The following SGSM2 variants were observed in gnomAD, a reference collection of about 807,000 sequenced individuals.
SGSM2 encodes the protein small G protein signaling modulator 2.
A neutral mutation model predicts 126.6 loss-of-function variants in SGSM2; 89 were observed. The ratio of observed to expected loss-of-function variants is 0.70; its 90% CI spans 0.59 to 0.84. The LOEUF is 0.84. SGSM2 is among the 40% of genes least tolerant of loss of function. SGSM2 has a pLI of 0.00. For missense variants in SGSM2, 1,404 were observed against 1,416.6 expected (o/e 0.99, Z 0.14); for synonymous variants, 614 against 574.3 (o/e 1.07, Z -0.99).
At chr17:2,347,989 C>G (rs867183101) in intron 2 of SGSM2, among the ~76,000 whole-genome samples, 1 of 152,148 alleles carries the variant, frequency 6.6e-6, no homozygotes. Flanking sequence ...CCCTGCCCTG[C>G]TGTGTGCAAG....
chr17:2,375,669 G>T lies in SGSM2; in HGVS notation c.2278G>T (p.Val760Leu). The change falls in exon 18 of 24, where the codon GTG becomes TTG. Residue 760 changes from valine (V) to leucine (L), a missense_variant. By Grantham distance (32) the Val-to-Leu change is conservative. Coordinates refer to ENST00000268989, the MANE Select transcript of SGSM2 (RefSeq NM_014853.3). ...ACTGCCCTCCTCTCGCAATTACTCC[G>T]TGGCCTCGGGCATCCAGTCAAGCCT... ...SGLPSSRNYS[V>L]ASGIQSSLDE... The T allele has an allele frequency of 6.2e-7, 1 of 1,613,950 alleles. No individual in the cohort carries two copies. Among genetic ancestry groups the T allele is most frequent in the Non-Finnish European group, 8.5e-7 (1 of 1,179,974 alleles).
At position 2,367,880 on chromosome 17, in the gene SGSM2, G is replaced by A. The variant is rs953639468; in HGVS notation, c.1423+475G>A. On this transcript the variant is annotated intron_variant, in intron 12 of 23. Coordinates refer to ENST00000268989, the MANE Select transcript of SGSM2 (RefSeq NM_014853.3). This position sits in a 1 kb window ranked among gnomAD's most constrained non-coding sequence, Gnocchi z 4.0. Reference sequence around the variant, plus strand: ...GCAGCAGCTGTGGGTCAGGCGAGGGGTTGAGGGCTGCCATGCGAAGGGCCC... The same window carrying A: ...GCAGCAGCTGTGGGTCAGGCGAGGGATTGAGGGCTGCCATGCGAAGGGCCC... 2.6e-5 allele frequency among the ~76,000 whole-genome samples: 4 copies of A among 152,194 alleles called. No homozygotes were observed. Among genetic ancestry groups the A allele is most frequent in the African/African-American group, 4.8e-5 (2 of 41,442 alleles).
chr17:2,340,001 A>G (rs2064276281), intron 1 of SGSM2, among the ~76,000 whole-genome samples: 1 of 152,266 alleles, frequency 6.6e-6, no homozygotes. Context: ...GTCTAGTGAC[A>G]GAGACTTGAA....
Position 2,337,568 on chromosome 17 carries a change from C to A in SGSM2, c.-121C>A. 2.0e-6 allele frequency: 1 copy of A among 502,756 alleles called. No homozygotes were observed. The highest frequency in any genetic ancestry group is 2.7e-6 in the Non-Finnish European group (1 of 373,880). 31.1% of individuals were successfully genotyped at this position (502,756 alleles called of 1,614,324 possible). A position where few individuals can be genotyped will look rare whatever the true frequency, so the allele number is the denominator to read the frequency against. Reference sequence around the variant, plus strand: ...GTGGCTGCGGCGGCGGCGGCGGCGGCGGGCCGGGAGCGCGGCGGGCGGGGG... The same window carrying A: ...GTGGCTGCGGCGGCGGCGGCGGCGGAGGGCCGGGAGCGCGGCGGGCGGGGG... On this transcript the variant is annotated 5_prime_UTR_variant, in exon 1 of 24. Transcript: ENST00000268989. The surrounding 1 kb of genome is among the most constrained non-coding windows in gnomAD (Gnocchi z 5.1).
Position 2,379,919 on chromosome 17 carries a change from C to A in SGSM2, c.*399C>A. The A allele has an allele frequency of 1.5e-6, 2 of 1,300,556 alleles. No individual in the cohort carries two copies. Among genetic ancestry groups the A allele is most frequent in the Non-Finnish European group, 9.8e-7 (1 of 1,020,042 alleles). 80.6% of individuals were successfully genotyped at this position (1,300,556 alleles called of 1,614,324 possible). ...CCTACTCAGCTGGGGTGGCAGAGGG[C>A]GAGAGGCTCTGTGCTGTGTCCCTTC... On this transcript the variant is annotated 3_prime_UTR_variant, in exon 24 of 24. Transcript: ENST00000268989.
At chr17:2,364,484 TG>T in intron 8 of SGSM2, 111 bp from the exon 9 acceptor site, 1 of 1,191,582 alleles carries the variant, frequency 8.4e-7, no homozygotes, top group Non-Finnish European at 1.2e-6. Flanking sequence ...CTCTTGGCTA[TG>T]GTCATCCTAT....
chr17:2,373,707 A>C (rs750776440), intron 17 of SGSM2, 194 bp downstream of exon 17: 33 of 592,716 alleles, frequency 5.6e-5, no homozygotes, highest in Non-Finnish European at 8.7e-5. Flanking sequence ...TGGGTATTGT[A>C]GGAATAAAGT....
chr17:2,370,398 T>G lies in SGSM2; in HGVS notation c.1424-864T>G, dbSNP rs144458220. Among the ~76,000 whole-genome samples, 236 of 152,384 alleles carry G rather than the reference T, an allele frequency of 1.5e-3. 1 individual carries two copies. Among genetic ancestry groups the G allele is most frequent in the African/African-American group, 5.4e-3 (226 of 41,596 alleles). On this transcript the variant is annotated intron_variant, in intron 12 of 23. Transcript: ENST00000268989. ...TCTGATTCAGACCGCCTGGGCTGGCTGGGCAGGCCCTGTCGCTGGCAGCGT... is the reference window on the plus strand; with the variant it reads ...TCTGATTCAGACCGCCTGGGCTGGCGGGGCAGGCCCTGTCGCTGGCAGCGT...
In SGSM2 at chr17:2,372,404, T is replaced by C. The variant is rs1175062839; in HGVS notation, c.1704T>C (p.His568=). 10 of 1,596,454 alleles carry C rather than the reference T, an allele frequency of 6.3e-6. No individual in the cohort carries two copies. Among genetic ancestry groups the C allele is most frequent in the East Asian group, 4.5e-5 (2 of 44,222 alleles). ...CCCACCTGTCGGCGCTGGTGCACCA[T>C]AGCGTTATCCCACCTGACCGGCCCC... ...VRTHLSALVH[H]SVIPPDRPPG... is the part of the protein sequence containing the mutation. The change falls in exon 15 of 24, where the codon CAT becomes CAC. Residue 568 remains histidine (H), a synonymous_variant. Coordinates refer to ENST00000268989, the MANE Select transcript of SGSM2 (RefSeq NM_014853.3). The surrounding 1 kb of genome is among the most constrained non-coding windows in gnomAD (Gnocchi z 6.0).
intron 12 of SGSM2, among the ~76,000 whole-genome samples, chr17:2,368,389 A>AG (rs550274251): frequency 7.2e-5 from 11 of 152,260 alleles, no homozygotes; most frequent in Non-Finnish European, 1.5e-5. Context: ...CCCAGAGACG[A>AG]GGGGAGCTTC....
At position 2,372,399 on chromosome 17, in the gene SGSM2, C is replaced by T. The variant is rs1233903807; in HGVS notation, c.1699C>T (p.His567Tyr). The T allele has an allele frequency of 2.5e-6, 4 of 1,594,992 alleles. No individual in the cohort carries two copies. Among genetic ancestry groups the T allele is most frequent in the Non-Finnish European group, 3.4e-6 (4 of 1,173,004 alleles). The change falls in exon 15 of 24, where the codon CAC (histidine) becomes TAC (tyrosine). Residue 567 changes from histidine to tyrosine, a missense_variant. Transcript: ENST00000268989. This position sits in a 1 kb window ranked among gnomAD's most constrained non-coding sequence, Gnocchi z 6.0. ...TVRTHLSALV[H>Y]HSVIPPDRPP... ...GCGGACCCACCTGTCGGCGCTGGTG[C>T]ACCATAGCGTTATCCCACCTGACCG...
intron 1 of SGSM2, among the ~76,000 whole-genome samples, chr17:2,341,874 C>T (rs989639872): frequency 6.6e-6 from 1 of 152,160 alleles, no homozygotes; most frequent in African/African-American, 2.4e-5. Context: ...ATTTGTTCAC[C>T]AGAAGACAGT....
rs777308427 is a variant in SGSM2, at chr17:2,377,863, G to C, written c.2809G>C (p.Asp937His). Residue 937 changes from aspartate (D) to histidine (H), a missense_variant, in exon 22 of 24, where the codon GAC (aspartate) becomes CAC (histidine). Asp to His is a moderately conservative substitution (Grantham distance 81). Transcript: ENST00000268989. Reference sequence around the variant, plus strand: ...CTTTTCCCACCCACATAAGATCCTGGACTCAGAGCTGTTTGAGCTGATGCA... The same window carrying C: ...CTTTTCCCACCCACATAAGATCCTGCACTCAGAGCTGTTTGAGCTGATGCA... ...ANMRSLIQIL[D>H]SELFELMHQN... The C allele has an allele frequency of 3.7e-6, 6 of 1,607,454 alleles. No individual in the cohort carries two copies.
chr17:2,347,553 A>T (rs1597317117), intron 2 of SGSM2, among the ~76,000 whole-genome samples: 1 of 150,304 alleles, frequency 6.7e-6, no homozygotes, highest in African/African-American at 2.4e-5. Flanking sequence ...ATTTTTTTTC[A>T]TTTTAATATA....
rs759979768 is a variant in SGSM2, at chr17:2,379,434, C to T, written c.3070C>T (p.Arg1024Cys). ...CAGCTCTTCACGTTTCCCCCCAGAACGTGCTGAGCATCACGATGCCCAGGA... is the reference window on the plus strand; with the variant it reads ...CAGCTCTTCACGTTTCCCCCCAGAATGTGCTGAGCATCACGATGCCCAGGA... Reference protein sequence around the residue: ...FTDIIKFFNERAEHHDAQEIL... With the variant: ...FTDIIKFFNECAEHHDAQEIL... The change falls in exon 24 of 24, where the codon CGT becomes TGT. Residue 1024 changes from arginine (R) to cysteine (C), a missense_variant and splice_region_variant. Physicochemically the swap from Arg to Cys is radical, Grantham distance 180. Transcript: ENST00000268989. The T allele has an allele frequency of 3.1e-5, 50 of 1,612,180 alleles. No individual in the cohort carries two copies. Among genetic ancestry groups the T allele is most frequent in the African/African-American group, 8.0e-5 (6 of 74,914 alleles).
At position 2,367,059 on chromosome 17, in the gene SGSM2, G is replaced by C; in HGVS notation, c.1289-212G>C. 1 of 552,820 alleles carries C rather than the reference G, an allele frequency of 1.8e-6. No individual in the cohort carries two copies. The highest frequency in any genetic ancestry group is 3.2e-6 in the Non-Finnish European group (1 of 311,792). The allele number at this position is 552,820 out of a possible 1,614,324, so 34.2% of individuals were successfully genotyped here. A position where few individuals can be genotyped will look rare whatever the true frequency, so the allele number is the denominator to read the frequency against. The stretch of plus-strand genomic sequence containing the variant: ...CCTAGAGAGGCTGCCTCCGAAGAGT[G>C]AGGTTCTGCAGCTGCCCCAGCCCCT... On this transcript the variant is annotated intron_variant, in intron 11 of 23. Coordinates refer to ENST00000268989, the MANE Select transcript of SGSM2 (RefSeq NM_014853.3). The surrounding 1 kb of genome is among the most constrained non-coding windows in gnomAD (Gnocchi z 4.0).
chr17:2,362,967 C>T lies in SGSM2; in HGVS notation c.527-22C>T. On this transcript the variant is annotated intron_variant, in intron 5 of 23. Transcript: ENST00000268989. This position sits in a 1 kb window ranked among gnomAD's most constrained non-coding sequence, Gnocchi z 4.9. ...AGGTGCTGAGGGAGCATCGTCTGGGCTGGCTGTCTCTGTCTCCACAGTGGG... is the reference window on the plus strand; with the variant it reads ...AGGTGCTGAGGGAGCATCGTCTGGGTTGGCTGTCTCTGTCTCCACAGTGGG... The T allele has an allele frequency of 6.2e-7, 1 of 1,614,056 alleles. No homozygotes were observed. Among genetic ancestry groups the T allele is most frequent in the Non-Finnish European group, 8.5e-7 (1 of 1,179,996 alleles).
At chr17:2,361,862 T>C (rs750653054) in intron 3 of SGSM2, 63 bp downstream of exon 3, 229 of 1,524,454 alleles carry the variant, frequency 1.5e-4, no homozygotes, top group Non-Finnish European at 1.8e-4. Flanking sequence ...AATTGCTACT[T>C]CCTAGGACAC....
At chr17:2,354,551 A>G (rs931699245) in intron 2 of SGSM2, among the ~76,000 whole-genome samples, 1 of 152,178 alleles carries the variant, frequency 6.6e-6, no homozygotes, top group Non-Finnish European at 1.5e-5. Context: ...CCTGTCCCCT[A>G]TTGATGGGCA....
Sources: allele counts gnomAD v4.1 joint callset (sites outside exome capture counted in the v4.1 genomes callset), GRCh38; gene constraint gnomAD v4.1.1; non-coding constraint Gnocchi (gnomAD v3.1); transcripts MANE v1.5; gene names NCBI Gene and HGNC (gene_info 2026-07-23, HGNC 2026-07-21).